YBEY: variants seen among roughly 807,000 people sequenced by gnomAD.
YBEY encodes the protein ybeY metalloendoribonuclease, also known as endoribonuclease YbeY.
Under a neutral mutation model 13.5 loss-of-function variants are expected in YBEY, and 15 were observed. That is an observed-to-expected ratio of 1.11 (90% CI 0.75 to 1.72). The LOEUF (loss-of-function observed/expected upper bound fraction) is 1.72. Ranked by LOEUF, YBEY falls within the 40% of genes most tolerant of loss-of-function variation. The pLI, the probability that YBEY is intolerant of heterozygous loss-of-function variation, is 0.00. For synonymous variants in YBEY, 101 were observed against 83.1 expected, an observed-to-expected ratio of 1.21 and a Z score of -1.17; for missense variants, 244 against 208.4, an observed-to-expected ratio of 1.17 and a Z score of -1.05.
chr21:46,289,299 A>T (rs1476410644), intron 2 of YBEY, among the ~76,000 whole-genome samples: 3 of 152,206 alleles, frequency 2.0e-5, no homozygotes, highest in African/African-American at 7.2e-5. Context: ...GCCATTTGAC[A>T]AGGTGATAGC....
chr21:46,291,216 A>AATAG, intron 2 of YBEY, 118 bp from the exon 3 acceptor site: 1 of 915,290 alleles, frequency 1.1e-6, no homozygotes, highest in Non-Finnish European at 1.4e-6. Flanking sequence ...AAAAAAAAAA[A>AATAG]GTGATTTGGC....
chr21:46,311,905 A>G, the YBEY span, among the ~76,000 whole-genome samples: 1 of 147,296 alleles, frequency 6.8e-6, no homozygotes, highest in Non-Finnish European at 1.5e-5. Context: ...CCAACCAACC[A>G]TTCATCCACC....
chr21:46,296,398 A>T (rs2839202), intron 4 of YBEY, among the ~76,000 whole-genome samples, 168 bp downstream of exon 4: 93,036 of 151,274 alleles, frequency 0.62, 29,789 homozygotes, highest in Non-Finnish European at 0.71. Context: ...CGGGCTCCCC[A>T]AATACTTCCA....
Position 46,287,125 on chromosome 21 carries a change from T to A in YBEY, c.210+2T>A, listed in dbSNP as rs1601564536. On this transcript the variant is annotated splice_donor_variant, in intron 2 of 4. Coordinates refer to ENST00000397701, the MANE Select transcript of YBEY (RefSeq NM_001314025.2). LOFTEE classifies it high-confidence loss of function. Reference sequence around the variant, plus strand: ...GTGCTTTCTTTTCCATTTCATGAGGTAAAAAAAAAATGTTCCTCTTCTTGT... The same window carrying A: ...GTGCTTTCTTTTCCATTTCATGAGGAAAAAAAAAAATGTTCCTCTTCTTGT... The A allele has an allele frequency of 2.8e-5, 43 of 1,508,882 alleles. No individual in the cohort carries two copies. The highest frequency in any genetic ancestry group is 1.9e-4 in the Middle Eastern group (1 of 5,360). The allele number at this position is 1,508,882 out of a possible 1,614,324, so 93.5% of individuals were successfully genotyped here.
the YBEY span, among the ~76,000 whole-genome samples, chr21:46,310,500 A>AT: frequency 4.0e-5 from 6 of 151,126 alleles, no homozygotes; most frequent in Non-Finnish European, 8.8e-5. Flanking sequence ...ATAAAAATAA[A>AT]AAAAAAAAAC....
downstream of YBEY, among the ~76,000 whole-genome samples, chr21:46,299,047 CTTT>C (rs58361649): frequency 1.0e-4 from 11 of 108,838 alleles, no homozygotes; most frequent in Non-Finnish European, 1.1e-4. Flanking sequence ...TTCTTTCTTT[CTTT>C]TTTTTTTTTT....
chr21:46,309,985 G>A, the YBEY span, among the ~76,000 whole-genome samples: 1 of 152,064 alleles, frequency 6.6e-6, no homozygotes, highest in Admixed American at 6.6e-5. Context: ...CGACAGGCAA[G>A]ACTCTGTCTC....
At chr21:46,293,008 A>G (rs377496682) in intron 3 of YBEY, among the ~76,000 whole-genome samples, 51 of 10,038 alleles carry the variant, frequency 5.1e-3, no homozygotes, top group Non-Finnish European at 7.6e-3. Context: ...ACACAAGTTA[A>G]ACTCTAGATT....
chr21:46,305,312 T>A, the YBEY span, among the ~76,000 whole-genome samples: 5 of 150,816 alleles, frequency 3.3e-5, no homozygotes, highest in Admixed American at 1.3e-4. Flanking sequence ...TTTTTTTTTT[T>A]AATCACAAAT....
the YBEY span, among the ~76,000 whole-genome samples, chr21:46,305,747 G>A: frequency 8.6e-5 from 13 of 151,742 alleles, no homozygotes; most frequent in African/African-American, 3.1e-4. Context: ...AGACCATCCT[G>A]GCTAACACGG....
chr21:46,287,470 G>C (rs2081501331), intron 2 of YBEY, among the ~76,000 whole-genome samples: 1 of 151,994 alleles, frequency 6.6e-6, no homozygotes, highest in Admixed American at 6.6e-5. Context: ...CAGAGTGTTG[G>C]GATTACAGGC....
chr21:46,312,454 G>A, the YBEY span, among the ~76,000 whole-genome samples: 1 of 152,162 alleles, frequency 6.6e-6, no homozygotes, highest in Non-Finnish European at 1.5e-5. Context: ...GAGTAGCTGG[G>A]ATTACAGGCG....
chr21:46,298,433 G>GTTTTTTTTTTTTTTTTTT, downstream of YBEY, among the ~76,000 whole-genome samples: 17 of 67,232 alleles, frequency 2.5e-4, 1 homozygote, highest in African/African-American at 7.9e-4. Context: ...TTTAATCCAA[G>GTTTTTTTTTTTTTTTTTT]CTTTTTTTTT....
At chr21:46,288,631 A>G (rs891926493) in intron 2 of YBEY, among the ~76,000 whole-genome samples, 4 of 152,032 alleles carry the variant, frequency 2.6e-5, no homozygotes, top group African/African-American at 7.2e-5. Flanking sequence ...GTGAGCTGAG[A>G]TTGCACCACT....
downstream of YBEY, chr21:46,302,445 T>C (rs1265063414): frequency 6.8e-7 from 1 of 1,471,946 alleles, no homozygotes; most frequent in Non-Finnish European, 9.4e-7. Context: ...ACCCAGGCCC[T>C]GTTTCCTTGG....
At chr21:46,294,342 C>G (rs1386926765) in intron 3 of YBEY, among the ~76,000 whole-genome samples, 25 of 85,402 alleles carry the variant, frequency 2.9e-4, no homozygotes, top group African/African-American at 8.4e-4. Flanking sequence ...GCAAGTTAAA[C>G]TCTAGATTAA....
At chr21:46,293,398 CCGCGG>C (rs2145811174) in intron 3 of YBEY, among the ~76,000 whole-genome samples, 1 of 29,038 alleles carries the variant, frequency 3.4e-5, no homozygotes, top group Admixed American at 3.0e-4. Context: ...TAAATTCCTC[CCGCGG>C]TTAGCCTGAC....
intron 4 of YBEY, among the ~76,000 whole-genome samples, chr21:46,296,633 C>G (rs2839204): frequency 0.56 from 85,131 of 151,600 alleles, 24,661 homozygotes; most frequent in Non-Finnish European, 0.64. Context: ...ATGGTTAACA[C>G]GCACGCAAGC....
intron 4 of YBEY, among the ~76,000 whole-genome samples, chr21:46,297,011 A>G (rs2145843721): frequency 6.7e-6 from 1 of 150,020 alleles, no homozygotes; most frequent in South Asian, 2.1e-4. Flanking sequence ...AGAAAAAGAA[A>G]AAGTTGGCCA....
Sources: gnomAD v4.1 joint callset for allele counts (sites outside exome capture counted in the v4.1 genomes callset) on GRCh38, gnomAD v4.1.1 for gene constraint, MANE v1.5 for transcripts, NCBI Gene and HGNC (gene_info 2026-07-23, HGNC 2026-07-21) for gene names.